The following CPT1A variants were observed in gnomAD, a reference collection of about 807,000 sequenced individuals.
The protein encoded by CPT1A is carnitine palmitoyltransferase 1A, also known as carnitine O-palmitoyltransferase 1, liver isoform.
A neutral mutation model predicts 100.8 loss-of-function variants in CPT1A; 64 were observed. The ratio of observed to expected loss-of-function variants is 0.63; its 90% CI spans 0.52 to 0.78. CPT1A has a LOEUF of 0.78. Ranked by LOEUF, CPT1A falls within the 30% of genes least tolerant of loss-of-function variation. The pLI, the probability that CPT1A is intolerant of heterozygous loss-of-function variation, is 0.00. For synonymous variants in CPT1A, 363 were observed against 396.0 expected (o/e 0.92, Z 0.99); for missense variants, 802 against 1,034.1 (o/e 0.78, Z 3.08).
chr11:68,815,516 A>G (rs1049388509), intron 1 of CPT1A, 29 bp from the exon 2 acceptor site: 18 of 1,608,022 alleles, frequency 1.1e-5, no homozygotes, highest in Non-Finnish European at 1.5e-5. Context: ...AATGTAACAC[A>G]GTGGAACGTG....
intron 9 of CPT1A, among the ~76,000 whole-genome samples, chr11:68,786,859 A>C (rs1428221002): frequency 2.0e-5 from 3 of 152,132 alleles, no homozygotes; most frequent in African/African-American, 4.8e-5. Flanking sequence ...TGTTTACCAA[A>C]CCAAGGATGC....
intron 1 of CPT1A, among the ~76,000 whole-genome samples, chr11:68,831,413 A>G (rs1856875104): frequency 6.6e-6 from 1 of 152,188 alleles, no homozygotes; most frequent in Non-Finnish European, 1.5e-5. Flanking sequence ...CCTCTGTAAT[A>G]TAAAACAAAC....
chr11:68,836,793 TAAGAA>T (rs957753587), intron 1 of CPT1A, among the ~76,000 whole-genome samples: 3 of 92,792 alleles, frequency 3.2e-5, no homozygotes, highest in African/African-American at 1.3e-4. Context: ...GAAAAGAAAA[TAAGAA>T]AAGAAAAGAG....
At chr11:68,804,283 C>T (rs1488469119) in intron 4 of CPT1A, among the ~76,000 whole-genome samples, 182 bp from the exon 5 acceptor site, 2 of 152,198 alleles carry the variant, frequency 1.3e-5, no homozygotes, top group African/African-American at 4.8e-5. Flanking sequence ...GCACAATGTG[C>T]CAACCACTTA....
chr11:68,806,911 C>T (rs1856062414), intron 4 of CPT1A, among the ~76,000 whole-genome samples: 1 of 151,832 alleles, frequency 6.6e-6, no homozygotes, highest in Non-Finnish European at 1.5e-5. Context: ...GTCTGGGCAA[C>T]AAGAGTGAAA....
intron 9 of CPT1A, among the ~76,000 whole-genome samples, chr11:68,788,630 T>TAAAAAAA: frequency 4.7e-4 from 13 of 27,550 alleles, no homozygotes; most frequent in Non-Finnish European, 6.2e-4. Flanking sequence ...CAAACAAAAG[T>TAAAAAAA]AAAAAAAAAA....
chr11:68,825,640 G>GGGCCTCCCCCCAGTGCC (rs1157667984), intron 1 of CPT1A, among the ~76,000 whole-genome samples: 4 of 152,084 alleles, frequency 2.6e-5, no homozygotes, highest in Non-Finnish European at 5.9e-5. Context: ...AGGAAAAGCA[G>GGGCCTCCCCCCAGTGCC]GGCCTCCCCC....
intron 1 of CPT1A, among the ~76,000 whole-genome samples, chr11:68,820,263 C>G (rs1856544514): frequency 6.6e-6 from 1 of 152,028 alleles, no homozygotes; most frequent in African/African-American, 2.4e-5. Context: ...AACTCCTGGA[C>G]TCAAGTGATC....
intron 1 of CPT1A, among the ~76,000 whole-genome samples, chr11:68,838,590 A>AAAAAAAAAAAAAAAAAAAAAAG (rs1267341306): frequency 6.7e-6 from 1 of 149,778 alleles, no homozygotes; most frequent in African/African-American, 2.5e-5. Context: ...AAAAAAAAAA[A>AAAAAAAAAAAAAAAAAAAAAAG]ACAGAGACAG....
chr11:68,819,376 C>A (rs188402059), intron 1 of CPT1A, among the ~76,000 whole-genome samples: 1 of 152,058 alleles, frequency 6.6e-6, no homozygotes. Flanking sequence ...CACCACGCCC[C>A]GCCTCAAGGT....
At chr11:68,796,817 C>T (rs1855765023) in intron 7 of CPT1A, 39 bp downstream of exon 7, 2 of 1,602,994 alleles carry the variant, frequency 1.2e-6, no homozygotes, top group East Asian at 4.5e-5. Context: ...CGCCGCCCCA[C>T]CGTCCTCGTC....
intron 5 of CPT1A, among the ~76,000 whole-genome samples, chr11:68,801,000 T>C (rs1855891858): frequency 6.6e-6 from 1 of 151,838 alleles, no homozygotes; most frequent in South Asian, 2.1e-4. Flanking sequence ...CCCCAACTAC[T>C]TGGGAGGCTA....
At position 68,756,744 on chromosome 11, in the gene CPT1A, T is replaced by C. The variant is rs1276066524; in HGVS notation, c.*900A>G. The C allele has an allele frequency of 1.3e-5, 2 of 152,352 alleles. No homozygotes were observed. The highest frequency in any genetic ancestry group is 3.9e-4 in the East Asian group (2 of 5,188). 9.4% of individuals were successfully genotyped at this position (152,352 alleles called of 1,614,324 possible). ...CGGCCCTTGCTCCCCTTTTATGACA[T>C]GTGCCTGTTATTTCTTTTGTTGCTT... On this transcript the variant is annotated 3_prime_UTR_variant, in exon 19 of 19. Transcript: ENST00000265641.
chr11:68,780,658 G>T lies in CPT1A; in HGVS notation c.1440C>A (p.Ile480=). The T allele has an allele frequency of 6.2e-7, 1 of 1,614,126 alleles. No homozygotes were observed. The highest frequency in any genetic ancestry group is 8.5e-7 in the Non-Finnish European group (1 of 1,179,984). ...NAEHSWADAP[I]VAHLWEYVMS... ...AACTCACCTCCCAAAGGTGGGCCAC[G>T]ATCGGCGCATCTGCCCAGGAGTGTT... Residue 480 remains isoleucine (I), a synonymous_variant, in exon 12 of 19, where the codon ATC becomes ATA. Coordinates refer to ENST00000265641, the MANE Select transcript of CPT1A (RefSeq NM_001876.4).
rs183694834 is a variant in CPT1A, at chr11:68,807,458, C to G, written c.453+9G>C. ...CACCCCCTCCACAGCCAGAGGGACA[C>G]GCAATTACCATCCAGATCTTGGTGG... is the stretch of plus-strand genomic sequence containing the variant. On this transcript the variant is annotated intron_variant, in intron 4 of 18. Coordinates refer to ENST00000265641, the MANE Select transcript of CPT1A (RefSeq NM_001876.4). 7 of 1,613,230 alleles carry G rather than the reference C, an allele frequency of 4.3e-6. No individual in the cohort carries two copies. In the Admixed American group the frequency reaches 6.7e-5, roughly 15 times the overall value.
Position 68,773,386 on chromosome 11 carries a change from A to T in CPT1A, c.1619T>A (p.Leu540Gln). 1 of 1,614,232 alleles carries T rather than the reference A, an allele frequency of 6.2e-7. No homozygotes were observed. The highest frequency in any genetic ancestry group is 8.5e-7 in the Non-Finnish European group (1 of 1,180,040). The change falls in exon 14 of 19, where the codon CTG (leucine) becomes CAG (glutamine). Residue 540 changes from leucine to glutamine, a missense_variant. Physicochemically the swap from Leu to Gln is moderately radical, Grantham distance 113. Transcript: ENST00000265641. ...IETSLNTANL[L>Q]ANDVDFHSFP... ...GGAATGGAAATCCACGTCGTTTGCC[A>T]GAAGATTTGCGGTGTTCAGGGAGGT... is the stretch of plus-strand genomic sequence containing the variant.
chr11:68,837,037 G>T (rs1197935950), intron 1 of CPT1A, among the ~76,000 whole-genome samples: 1 of 152,034 alleles, frequency 6.6e-6, no homozygotes, highest in African/African-American at 2.4e-5. Flanking sequence ...TGACAGTTTT[G>T]TCTCTTCTCT....
intron 14 of CPT1A, among the ~76,000 whole-genome samples, chr11:68,763,963 C>T (rs1300378658): frequency 6.6e-6 from 1 of 151,926 alleles, no homozygotes; most frequent in Non-Finnish European, 1.5e-5. Flanking sequence ...ATGGAACCCA[C>T]ACCCAGAGAA....
chr11:68,777,119 C>G (rs559833642), intron 12 of CPT1A, among the ~76,000 whole-genome samples: 1 of 152,214 alleles, frequency 6.6e-6, no homozygotes, highest in South Asian at 2.1e-4. Flanking sequence ...GAGCCTGACA[C>G]AGAAACATCA....
Sources: gnomAD v4.1 joint callset for allele counts (sites outside exome capture counted in the v4.1 genomes callset) on GRCh38, gnomAD v4.1.1 for gene constraint, MANE v1.5 for transcripts, NCBI Gene and HGNC (gene_info 2026-07-23, HGNC 2026-07-21) for gene names.